Variants in ADAMTSL1 observed in about 807,000 individuals in gnomAD.
ADAMTSL1 encodes the protein ADAMTS like 1.
In ADAMTSL1, 126 loss-of-function variants were observed where a neutral mutation model predicts 201.8. The ratio of observed to expected loss-of-function variants is 0.62; its 90% confidence interval spans 0.54 to 0.72. The LOEUF is 0.72. ADAMTSL1 is among the 30% of genes least tolerant of loss of function. The pLI is 0.00. For synonymous variants in ADAMTSL1, 1,121 were observed against 903.4 expected (o/e 1.24, Z -4.32); for missense variants, 2,679 against 2,277.8 (o/e 1.18, Z -3.59).
intron 2 of ADAMTSL1, among the ~76,000 whole-genome samples, chr9:18,352,277 G>T (rs2133033856): frequency 6.6e-6 from 1 of 152,228 alleles, no homozygotes; most frequent in South Asian, 2.1e-4. Flanking sequence ...AATTGTACAG[G>T]ATTTCAGGTG....
chr9:18,195,638 T>C (rs1829145471), intron 2 of ADAMTSL1, among the ~76,000 whole-genome samples: 1 of 152,154 alleles, frequency 6.6e-6, no homozygotes, highest in African/African-American at 2.4e-5. Context: ...GGCCTTATAA[T>C]CTGAAAAGAG....
intron 2 of ADAMTSL1, among the ~76,000 whole-genome samples, chr9:18,179,352 G>A (rs944051702): frequency 6.6e-5 from 10 of 152,184 alleles, no homozygotes; most frequent in African/African-American, 2.2e-4. Flanking sequence ...AACGAGCGAA[G>A]CCTCCAAGAA....
intron 13 of ADAMTSL1, among the ~76,000 whole-genome samples, chr9:18,698,234 T>C (rs1015733372): frequency 2.0e-5 from 3 of 152,148 alleles, no homozygotes; most frequent in Non-Finnish European, 2.9e-5. Context: ...GAATCATTGA[T>C]GAACACATTG....
rs370479000 is a variant in ADAMTSL1 at position 18,264,538 on chromosome 9, T to C, written c.207+100557T>C. ...GGAAGAAGTCAAAAGCCACAGGCAC[T>C]GCCTCAGGAGTCCCCTTAACAAGGA... On this transcript the variant is annotated intron_variant, in intron 2 of 29. Coordinates refer to the ADAMTSL1 transcript ENST00000680146. Among the ~76,000 whole-genome samples, 105 of 152,230 alleles carry C rather than the reference T, an allele frequency of 6.9e-4. 2 individuals are homozygous for C. In the South Asian group the frequency reaches 0.021, roughly 31 times the overall value.
At chr9:18,801,314 G>A (rs978690811) in intron 20 of ADAMTSL1, among the ~76,000 whole-genome samples, 4 of 152,134 alleles carry the variant, frequency 2.6e-5, no homozygotes, top group Non-Finnish European at 4.4e-5. Context: ...TTGTGAATGT[G>A]CAATTTAGAG....
Position 18,559,753 on chromosome 9 carries a change from T to A in ADAMTSL1, c.238-14277T>A, listed in dbSNP as rs557366483. 3.9e-5 allele frequency among the ~76,000 whole-genome samples: 6 copies of A among 152,350 alleles called. No individual in the cohort carries two copies. In the East Asian group the frequency reaches 1.2e-3, roughly 29 times the overall value. ...CTTGTAAGTTATATTCCTAGGTATT[T>A]TATTCTCTTTGTAGCAATTGTGAAT... On this transcript the variant is annotated intron_variant, in intron 3 of 28. Coordinates refer to ENST00000380548, the MANE Select transcript of ADAMTSL1 (RefSeq NM_001040272.6).
At chr9:18,506,937 G>C (rs2131944659) in intron 2 of ADAMTSL1, among the ~76,000 whole-genome samples, 1 of 152,192 alleles carries the variant, frequency 6.6e-6, no homozygotes, top group Middle Eastern at 3.4e-3. Flanking sequence ...TTAAAAACCA[G>C]TGCTTAGTAT....
chr9:18,817,056 C>T, intron 20 of ADAMTSL1, 53 bp from the exon 21 acceptor site: 2 of 1,591,150 alleles, frequency 1.3e-6, no homozygotes, highest in South Asian at 2.3e-5. Context: ...AAGGAGTGCC[C>T]CAATTTCCAC....
At chr9:18,169,717 G>T in intron 2 of ADAMTSL1, among the ~76,000 whole-genome samples, 1 of 152,110 alleles carries the variant, frequency 6.6e-6, no homozygotes, top group African/African-American at 2.4e-5. Flanking sequence ...ACCTTGGGCA[G>T]TATGGCTATT....
intron 2 of ADAMTSL1, among the ~76,000 whole-genome samples, chr9:18,174,503 A>G (rs1197279049): frequency 6.6e-6 from 1 of 152,182 alleles, no homozygotes; most frequent in Non-Finnish European, 1.5e-5. Flanking sequence ...CCTAAATTTA[A>G]GAAAGTATGA....
At chr9:17,930,799 A>G (rs1826752390) in intron 1 of ADAMTSL1, among the ~76,000 whole-genome samples, 1 of 152,192 alleles carries the variant, frequency 6.6e-6, no homozygotes, top group South Asian at 2.1e-4. Flanking sequence ...GAAATGCACT[A>G]TGTGCATCTT....
At chr9:18,878,314 C>A (rs1370759473) in intron 23 of ADAMTSL1, among the ~76,000 whole-genome samples, 1 of 152,220 alleles carries the variant, frequency 6.6e-6, no homozygotes, top group Non-Finnish European at 1.5e-5. Flanking sequence ...GTCCAGGAAA[C>A]TTCATATCCA....
chr9:17,940,532 T>C (rs185504381), intron 1 of ADAMTSL1, among the ~76,000 whole-genome samples: 15 of 152,014 alleles, frequency 9.9e-5, no homozygotes, highest in African/African-American at 3.4e-4. Flanking sequence ...GCAGATAGCA[T>C]CTACTTGTTG....
chr9:17,987,888 C>T (rs2131489176), intron 1 of ADAMTSL1, among the ~76,000 whole-genome samples: 1 of 152,178 alleles, frequency 6.6e-6, no homozygotes, highest in Middle Eastern at 3.4e-3. Flanking sequence ...TCTGTGATAA[C>T]CCAGGATATA....
intron 12 of ADAMTSL1, 37 bp downstream of exon 12, chr9:18,681,996 T>A (rs1830531977): frequency 1.9e-6 from 3 of 1,609,496 alleles, no homozygotes; most frequent in Non-Finnish European, 1.7e-6. Context: ...GCCTGTTAAT[T>A]GTTGTGTGTA....
intron 1 of ADAMTSL1, among the ~76,000 whole-genome samples, chr9:18,127,516 AC>A (rs200653475): frequency 4.8e-5 from 7 of 147,300 alleles, no homozygotes; most frequent in East Asian, 2.0e-4. Context: ...ACACACACAC[AC>A]ACACAACACA....
rs1029492092 is a variant in ADAMTSL1, at chr9:18,777,759, C to T, written c.3530C>T (p.Ser1177Leu). 1.2e-6 allele frequency: 2 copies of T among 1,613,626 alleles called. No homozygotes were observed. The highest frequency in any genetic ancestry group is 2.7e-5 in the African/African-American group (2 of 74,948). Residue 1177 changes from serine to leucine, a missense_variant, in exon 19 of 29, where the codon TCA (serine) becomes TTA (leucine). Physicochemically the swap from Ser to Leu is moderately radical, Grantham distance 145. Transcript: ENST00000380548. ...AAGATCTCAGCGGCCCAGCAGCTCT[C>T]AGCCTCGGAGGTGGTCACCCACCTG... is the stretch of plus-strand genomic sequence containing the variant. ...LRKISAAQQL[S>L]ASEVVTHLGQ...
intron 14 of ADAMTSL1, among the ~76,000 whole-genome samples, chr9:18,713,555 T>G (rs1832736532): frequency 4.0e-5 from 6 of 151,720 alleles, no homozygotes; most frequent in Non-Finnish European, 8.8e-5. Context: ...CTAACTATCC[T>G]AAATATATAT....
Position 17,983,064 on chromosome 9 carries a change from C to CTTTTTTTTTTTTTTTTT in ADAMTSL1, c.87+76145_87+76146insTTTTTTTTTTTTTTTTT, listed in dbSNP as rs202085722. 7.7e-4 allele frequency among the ~76,000 whole-genome samples: 68 copies of CTTTTTTTTTTTTTTTTT among 88,564 alleles called. 4 individuals carry two copies. The highest frequency in any genetic ancestry group is 1.1e-3 in the East Asian group (3 of 2,854). The allele number at this position is 88,564 out of a possible 152,430, so 58.1% of individuals were successfully genotyped here. On this transcript the variant is annotated intron_variant, in intron 1 of 29. Coordinates refer to the ADAMTSL1 transcript ENST00000680146. Reference sequence around the variant, plus strand: ...TTTTCATTTTCTTTTTCTTTTCTTTCTTTCTTTCTTTCTTTTTTTTTTTTG... The same window carrying CTTTTTTTTTTTTTTTTT: ...TTTTCATTTTCTTTTTCTTTTCTTTCTTTTTTTTTTTTTTTTTTTTCTTTCTTTCTTTTTTTTTTTTG...
Sources: allele counts gnomAD v4.1 joint callset (sites outside exome capture counted in the v4.1 genomes callset), GRCh38; gene constraint gnomAD v4.1.1; transcripts MANE v1.5; gene names NCBI Gene and HGNC (gene_info 2026-07-23, HGNC 2026-07-21).